The following AZIN1 variants were observed in gnomAD, a reference collection of about 807,000 sequenced individuals.
The protein encoded by AZIN1 is antizyme inhibitor 1, also known as ornithine decarboxylase antizyme inhibitor.
In AZIN1, 12 loss-of-function variants were observed where a neutral mutation model predicts 47.4. The observed-to-expected ratio is 0.25, with a 90% CI of 0.16 to 0.41. The LOEUF (loss-of-function observed/expected upper bound fraction) is 0.41, where lower values mean the gene tolerates loss of function less well. Ranked by LOEUF, AZIN1 falls within the 10% of genes least tolerant of loss-of-function variation. The pLI is 1.00. For synonymous variants in AZIN1, 155 were observed against 176.3 expected, an observed-to-expected ratio of 0.88 and a Z score of 0.96; for missense variants, 410 against 532.4, an observed-to-expected ratio of 0.77 and a Z score of 2.26.
chr8:102,842,194 G>A (rs1249685617), intron 3 of AZIN1, among the ~76,000 whole-genome samples: 1 of 152,040 alleles, frequency 6.6e-6, no homozygotes, highest in Non-Finnish European at 1.5e-5. Context: ...GCAGCAGAGA[G>A]TAAGTACTCA....
chr8:102,830,786 TACAAAACATCAGAGA>T (rs1349073952), intron 9 of AZIN1, among the ~76,000 whole-genome samples: 4 of 152,178 alleles, frequency 2.6e-5, no homozygotes, highest in African/African-American at 9.7e-5. Context: ...AGACTGACAC[TACAAAACATCAGAGA>T]GCAGGAGGAG....
At chr8:102,830,675 AAAAAG>A (rs1246736870) in intron 9 of AZIN1, among the ~76,000 whole-genome samples, 1 of 151,798 alleles carries the variant, frequency 6.6e-6, no homozygotes. Context: ...AAAGAAAAAG[AAAAAG>A]AAAACAGTGC....
chr8:102,841,739 G>C (rs527472546), intron 3 of AZIN1, among the ~76,000 whole-genome samples: 1 of 145,338 alleles, frequency 6.9e-6, no homozygotes, highest in Non-Finnish European at 1.5e-5. Flanking sequence ...AACAAGTTTG[G>C]TTGAATACAG....
intron 9 of AZIN1, 200 bp from the exon 10 acceptor site, chr8:102,830,136 A>G (rs1046077536): frequency 2.3e-6 from 1 of 432,844 alleles, no homozygotes; most frequent in Non-Finnish European, 4.1e-6. Context: ...CTGTAATCCT[A>G]GCACTTTGTG....
intron 2 of AZIN1, among the ~76,000 whole-genome samples, chr8:102,851,561 C>G (rs1428858950): frequency 6.6e-6 from 1 of 152,104 alleles, no homozygotes; most frequent in African/African-American, 2.4e-5. Context: ...CAAAAATTAG[C>G]TGGGCGTGGT....
chr8:102,852,526 A>G (rs1249713228), intron 2 of AZIN1, among the ~76,000 whole-genome samples: 15 of 152,124 alleles, frequency 9.9e-5, no homozygotes, highest in Non-Finnish European at 1.5e-5. Context: ...AGTGAGACTG[A>G]ACCACTGCAC....
Position 102,858,115 on chromosome 8 carries a change from C to T in AZIN1, c.-198G>A. On this transcript the variant is annotated 5_prime_UTR_variant, in exon 2 of 12. Coordinates refer to ENST00000337198, the MANE Select transcript of AZIN1 (RefSeq NM_148174.4). ...CTCTATACAGCACTTCTCCTAGGCC[C>T]TCTGGGTAGTTGTATACTTGGTCAG... The T allele has an allele frequency of 2.5e-6, 1 of 398,946 alleles. No individual in the cohort carries two copies. Among genetic ancestry groups the T allele is most frequent in the Non-Finnish European group, 4.4e-6 (1 of 226,032 alleles). The allele number at this position is 398,946 out of a possible 1,614,324, so 24.7% of individuals were successfully genotyped here. A position where few individuals can be genotyped will look rare whatever the true frequency, so the allele number is the denominator to read the frequency against.
At chr8:102,862,926 T>C (rs144744950) in intron 1 of AZIN1, among the ~76,000 whole-genome samples, 31 of 152,324 alleles carry the variant, frequency 2.0e-4, no homozygotes, top group African/African-American at 3.8e-4. Flanking sequence ...CACCAACTGT[T>C]GGCAGTCAAG....
intron 4 of AZIN1, 144 bp downstream of exon 4, chr8:102,839,506 C>T (rs1812038406): frequency 5.3e-6 from 3 of 563,832 alleles, no homozygotes; most frequent in South Asian, 5.1e-5. Flanking sequence ...TGTAATTTTC[C>T]AACATGAGGC....
intron 1 of AZIN1, among the ~76,000 whole-genome samples, chr8:102,859,545 C>T (rs1479471332): frequency 6.6e-6 from 1 of 150,638 alleles, no homozygotes; most frequent in South Asian, 2.1e-4. Flanking sequence ...AATGAAGGCT[C>T]TAGAATTTGA....
At chr8:102,834,602 T>C (rs1563532058) in intron 7 of AZIN1, 64 bp downstream of exon 7, 9 of 1,173,760 alleles carry the variant, frequency 7.7e-6, no homozygotes, top group East Asian at 2.4e-5. Context: ...AGAAAATACT[T>C]AGTCTTTAAC....
Position 102,843,537 on chromosome 8 carries a change from G to C in AZIN1, c.102+14C>G, listed in dbSNP as rs1195157443. 1 of 1,604,072 alleles carries C rather than the reference G, an allele frequency of 6.2e-7. No individual in the cohort carries two copies. Among genetic ancestry groups the C allele is most frequent in the Non-Finnish European group, 8.5e-7 (1 of 1,171,586 alleles). ...GGAAAATGACAAACACTGTATTTGA[G>C]AAATGGCACTTACCAGGGTATGTTC... is the stretch of plus-strand genomic sequence containing the variant. On this transcript the variant is annotated intron_variant, in intron 3 of 11. Coordinates refer to ENST00000337198, the MANE Select transcript of AZIN1 (RefSeq NM_148174.4).
chr8:102,863,658 C>G (rs1446558358), intron 1 of AZIN1, 149 bp downstream of exon 1: 1 of 150,790 alleles, frequency 6.6e-6, no homozygotes, highest in Non-Finnish European at 1.5e-5. Context: ...GGGGCACAGA[C>G]AGCCGCCGCC....
intron 9 of AZIN1, among the ~76,000 whole-genome samples, chr8:102,830,993 C>T (rs1665011472): frequency 6.6e-6 from 1 of 152,182 alleles, no homozygotes; most frequent in Non-Finnish European, 1.5e-5. Flanking sequence ...CCATTCTACT[C>T]ACAGCTACTC....
chr8:102,854,931 C>A (rs547315473), intron 2 of AZIN1, among the ~76,000 whole-genome samples: 1 of 152,096 alleles, frequency 6.6e-6, no homozygotes, highest in Non-Finnish European at 1.5e-5. Flanking sequence ...GAGAAGCAAA[C>A]TTAGCTTTTT....
intron 2 of AZIN1, among the ~76,000 whole-genome samples, chr8:102,848,490 C>T (rs1223878275): frequency 6.6e-6 from 1 of 152,206 alleles, no homozygotes; most frequent in East Asian, 1.9e-4. Context: ...CCTCCTGTCT[C>T]TGCCTCTCTT....
At chr8:102,843,439 A>C in intron 3 of AZIN1, 112 bp downstream of exon 3, 1 of 862,566 alleles carries the variant, frequency 1.2e-6, no homozygotes, top group Non-Finnish European at 1.8e-6. Flanking sequence ...AAGTTAAATC[A>C]GATAGCATAT....
At position 102,826,494 on chromosome 8, in the gene AZIN1, A is replaced by G. The variant is rs1031931537; in HGVS notation, c.*2073T>C. 8.5e-5 allele frequency: 13 copies of G among 152,664 alleles called. No individual in the cohort carries two copies. The highest frequency in any genetic ancestry group is 1.3e-4 in the Admixed American group (2 of 15,276). 9.5% of individuals were successfully genotyped at this position (152,664 alleles called of 1,614,324 possible). A position where few individuals can be genotyped will look rare whatever the true frequency, so the allele number is the denominator to read the frequency against. ...TGAGATTACAATATTATAACAAAAA[A>G]CTTTACATTAATTCAGAACTTTTTA... On this transcript the variant is annotated 3_prime_UTR_variant, in exon 12 of 12. Transcript: ENST00000337198.
chr8:102,842,070 C>T (rs1812230948), intron 3 of AZIN1, among the ~76,000 whole-genome samples: 1 of 151,800 alleles, frequency 6.6e-6, no homozygotes, highest in Admixed American at 6.6e-5. Context: ...GAGATCGCAC[C>T]ACTGCGCTCC....
Sources: allele counts gnomAD v4.1 joint callset (sites outside exome capture counted in the v4.1 genomes callset), GRCh38; gene constraint gnomAD v4.1.1; transcripts MANE v1.5; gene names NCBI Gene and HGNC (gene_info 2026-07-23, HGNC 2026-07-21).